C16orf74: variants seen among roughly 807,000 people sequenced by gnomAD.
C16orf74 encodes calcimembrin.
A neutral mutation model predicts 6.5 loss-of-function variants in C16orf74; 10 were observed. The observed-to-expected ratio is 1.54, with a 90% confidence interval of 0.95 to 2.61. The LOEUF is 2.61. Ranked by LOEUF, C16orf74 falls within the 30% of genes most tolerant of loss-of-function variation. The probability of loss-of-function intolerance (pLI) is 0.00; values close to 1 mark genes in which losing one functional copy is unlikely to be tolerated. For synonymous variants in C16orf74, 60 were observed against 42.5 expected (o/e 1.41, Z -1.60); for missense variants, 141 against 105.9 (o/e 1.33, Z -1.45).
Position 85,713,889 on chromosome 16 carries a change from G to A in C16orf74, c.29-3582C>T, listed in dbSNP as rs147651801. ...GTGGGAGACTGTGCCTGGGACCCTC[G>A]TGGGATCTGCCCTGTGAGCGTCTTC... On this transcript the variant is annotated intron_variant, in intron 2 of 3. Coordinates refer to ENST00000284245, the MANE Select transcript of C16orf74 (RefSeq NM_206967.3). 1.4e-4 allele frequency among the ~76,000 whole-genome samples: 21 copies of A among 152,304 alleles called. No homozygotes were observed. In the East Asian group the frequency reaches 2.5e-3, roughly 18 times the overall value.
chr16:85,745,326 G>A (rs1229138413), intron 1 of C16orf74, among the ~76,000 whole-genome samples: 1 of 152,048 alleles, frequency 6.6e-6, no homozygotes, highest in Non-Finnish European at 1.5e-5. Flanking sequence ...GCTTCTCTAA[G>A]GCCAAGAGCA....
At chr16:85,739,269 T>C (rs577056233) in intron 1 of C16orf74, among the ~76,000 whole-genome samples, 2 of 152,216 alleles carry the variant, frequency 1.3e-5, no homozygotes, top group East Asian at 3.9e-4. Context: ...AGACTCGACA[T>C]CCCAACCAAG....
intron 1 of C16orf74, among the ~76,000 whole-genome samples, chr16:85,736,725 G>C (rs2054248772): frequency 6.6e-6 from 1 of 152,236 alleles, no homozygotes; most frequent in Non-Finnish European, 1.5e-5. Flanking sequence ...ATCACGGATA[G>C]TTTATCTCAA....
At chr16:85,731,406 C>T (rs1171519839) in intron 2 of C16orf74, among the ~76,000 whole-genome samples, 1 of 152,208 alleles carries the variant, frequency 6.6e-6, no homozygotes, top group Admixed American at 6.5e-5. Flanking sequence ...GGGATTTGAA[C>T]CCAGGGAGGC....
chr16:85,747,297 C>G (rs1329324867), intron 1 of C16orf74, among the ~76,000 whole-genome samples: 1 of 152,088 alleles, frequency 6.6e-6, no homozygotes, highest in African/African-American at 2.4e-5. Flanking sequence ...CAGAAAAATA[C>G]AAAAATTAGC....
intron 2 of C16orf74, among the ~76,000 whole-genome samples, chr16:85,734,230 C>G (rs550418099): frequency 3.9e-5 from 6 of 152,340 alleles, no homozygotes; most frequent in African/African-American, 1.4e-4. Flanking sequence ...CAGCCACCGC[C>G]AGAGTGTTCC....
At chr16:85,715,483 C>A (rs1186628311) in intron 2 of C16orf74, among the ~76,000 whole-genome samples, 1 of 152,156 alleles carries the variant, frequency 6.6e-6, no homozygotes, top group Non-Finnish European at 1.5e-5. Context: ...TGGCTGACCC[C>A]AAGAGCCGGT....
intron 2 of C16orf74, among the ~76,000 whole-genome samples, chr16:85,719,756 G>A (rs540411647): frequency 1.3e-5 from 2 of 151,844 alleles, no homozygotes; most frequent in Non-Finnish European, 2.9e-5. Flanking sequence ...GGCACCCACA[G>A]CACACACAAA....
intron 2 of C16orf74, among the ~76,000 whole-genome samples, chr16:85,729,431 T>C (rs183867595): frequency 6.6e-6 from 1 of 152,302 alleles, no homozygotes; most frequent in East Asian, 1.9e-4. Context: ...CACAGCTGTG[T>C]TCCTCCTATG....
At chr16:85,713,953 C>T (rs1279548108) in intron 2 of C16orf74, among the ~76,000 whole-genome samples, 1 of 152,178 alleles carries the variant, frequency 6.6e-6, no homozygotes, top group Non-Finnish European at 1.5e-5. Flanking sequence ...TGGAATGAGC[C>T]ATAACCGGGA....
intron 1 of C16orf74, among the ~76,000 whole-genome samples, chr16:85,740,355 G>C (rs2054291209): frequency 6.6e-6 from 1 of 151,396 alleles, no homozygotes; most frequent in Non-Finnish European, 1.5e-5. Context: ...AGGAGTTCGA[G>C]ACCAGCCTGG....
intron 2 of C16orf74, chr16:85,710,979 C>CCTAG (rs557930871): frequency 5.3e-4 from 81 of 152,354 alleles, no homozygotes; most frequent in African/African-American, 1.9e-3. Flanking sequence ...TTCCCTTGAG[C>CCTAG]CTAGCGCATG....
Position 85,718,917 on chromosome 16 carries a change from G to A in C16orf74, c.29-8610C>T, listed in dbSNP as rs541734388. ...CCGAGTGTGGGTCGGGGGACTTGTC[G>A]CCCCCTTGCGGTCACGCAGCTGGAG... On this transcript the variant is annotated intron_variant, in intron 2 of 3. Coordinates refer to ENST00000284245, the MANE Select transcript of C16orf74 (RefSeq NM_206967.3). Among the ~76,000 whole-genome samples, 10 of 152,344 alleles carry A rather than the reference G, an allele frequency of 6.6e-5. No homozygotes were observed. In the East Asian group the frequency reaches 9.6e-4, roughly 15 times the overall value.
chr16:85,712,859 C>T (rs980031820), intron 2 of C16orf74, among the ~76,000 whole-genome samples: 3 of 152,278 alleles, frequency 2.0e-5, no homozygotes, highest in African/African-American at 4.8e-5. Context: ...TCTTTGTTTG[C>T]CGGGGGCTGT....
chr16:85,718,492 C>A (rs1203233491), intron 2 of C16orf74, among the ~76,000 whole-genome samples: 3 of 152,242 alleles, frequency 2.0e-5, no homozygotes, highest in Admixed American at 1.3e-4. Flanking sequence ...GTCGGACCCA[C>A]GATGCGATGG....
intron 2 of C16orf74, among the ~76,000 whole-genome samples, chr16:85,713,712 G>A (rs549864073): frequency 5.9e-5 from 9 of 152,296 alleles, no homozygotes; most frequent in Admixed American, 5.2e-4. Flanking sequence ...GGGGCGAGGA[G>A]GTTGACTTAT....
At chr16:85,719,276 G>A (rs1304176919) in intron 2 of C16orf74, among the ~76,000 whole-genome samples, 1 of 152,210 alleles carries the variant, frequency 6.6e-6, no homozygotes, top group Admixed American at 6.5e-5. Flanking sequence ...CTCTACAGAG[G>A]TTTATCTGTG....
rs911068261 is a variant in C16orf74 at position 85,713,336 on chromosome 16, A to G, written c.29-3029T>C. On this transcript the variant is annotated intron_variant, in intron 2 of 3. Transcript: ENST00000284245. ...ACCCAGGCTGCAGTGCAGTGGCACA[A>G]TCTCAGCTCACTGCAACCTCTGCCT... Among the ~76,000 whole-genome samples the G allele has an allele frequency of 4.6e-5, 7 of 152,218 alleles. No homozygotes were observed. In the East Asian group the frequency reaches 1.2e-3, roughly 25 times the overall value.
intron 3 of C16orf74, among the ~76,000 whole-genome samples, chr16:85,709,153 G>A (rs1290984010): frequency 6.6e-6 from 1 of 152,204 alleles, no homozygotes; most frequent in Non-Finnish European, 1.5e-5. Context: ...TCAGGAGTTT[G>A]AGACCAGCCT....
Sources: gnomAD v4.1 joint callset for allele counts (sites outside exome capture counted in the v4.1 genomes callset) on GRCh38, gnomAD v4.1.1 for gene constraint, MANE v1.5 for transcripts, NCBI Gene and HGNC (gene_info 2026-07-23, HGNC 2026-07-21) for gene names.